The following ME2 variants were observed in gnomAD, a reference collection of about 807,000 sequenced individuals.
The protein encoded by ME2 is malic enzyme 2.
In ME2, 60 loss-of-function variants were observed where a neutral mutation model predicts 73.7. The ratio of observed to expected loss-of-function variants is 0.81; its 90% CI spans 0.66 to 1.01. ME2 has a LOEUF of 1.01. Ranked by LOEUF, ME2 falls within the 50% of genes least tolerant of loss-of-function variation. The pLI, the probability that ME2 is intolerant of heterozygous loss-of-function variation, is 0.00. For missense variants in ME2, 594 were observed against 705.5 expected (o/e 0.84, Z 1.79); for synonymous variants, 199 against 236.9 (o/e 0.84, Z 1.47).
At position 50,948,812 on chromosome 18, in the gene ME2, G is replaced by A. The variant is rs1024976433; in HGVS notation, c.*1628G>A. 2 of 150,586 alleles carry A rather than the reference G, an allele frequency of 1.3e-5. No homozygotes were observed. Among genetic ancestry groups the A allele is most frequent in the Admixed American group, 1.3e-4 (2 of 15,082 alleles). 9.3% of individuals were successfully genotyped at this position (150,586 alleles called of 1,614,324 possible). ...CCACCTCAGCCTTCCAAAGTGCTGG[G>A]ATTACAGGCGTGAGCCACCGCACCC... On this transcript the variant is annotated 3_prime_UTR_variant, in exon 16 of 16. Coordinates refer to ENST00000321341, the MANE Select transcript of ME2 (RefSeq NM_002396.5).
intron 2 of ME2, among the ~76,000 whole-genome samples, chr18:50,898,015 A>G (rs1045516910): frequency 6.6e-6 from 1 of 152,218 alleles, no homozygotes; most frequent in African/African-American, 2.4e-5. Context: ...TTGTTTAAAG[A>G]ACATAGACCA....
chr18:50,922,656 A>G (rs1322948299), intron 10 of ME2, among the ~76,000 whole-genome samples: 2 of 152,254 alleles, frequency 1.3e-5, no homozygotes, highest in Non-Finnish European at 2.9e-5. Flanking sequence ...TTTACTTAGC[A>G]CAAAGTGAGA....
chr18:50,888,808 T>G (rs1333446923), intron 1 of ME2, among the ~76,000 whole-genome samples: 2 of 152,160 alleles, frequency 1.3e-5, no homozygotes, highest in Non-Finnish European at 2.9e-5. Context: ...ATATTGATCT[T>G]CCTGATTCTG....
chr18:50,893,218 TA>T (rs898880374), intron 1 of ME2, among the ~76,000 whole-genome samples: 1 of 147,132 alleles, frequency 6.8e-6, no homozygotes, highest in Non-Finnish European at 1.5e-5. Context: ...ATAATAGTAA[TA>T]AAGAGTGTAT....
intron 3 of ME2, among the ~76,000 whole-genome samples, chr18:50,912,019 A>T (rs1241288654): frequency 2.0e-5 from 3 of 152,180 alleles, no homozygotes; most frequent in Non-Finnish European, 2.9e-5. Flanking sequence ...GCTACTTAGC[A>T]GGTAGACTCT....
At chr18:50,893,124 CAAAAAAAAAA>C (rs56104427) in intron 1 of ME2, among the ~76,000 whole-genome samples, 1,700 of 78,112 alleles carry the variant, frequency 0.022, 47 homozygotes, top group African/African-American at 0.09. Flanking sequence ...GACTCTATCT[CAAAAAAAAAA>C]AAAAAAAAAA....
intron 1 of ME2, among the ~76,000 whole-genome samples, chr18:50,890,397 C>T (rs962958689): frequency 3.9e-5 from 6 of 152,108 alleles, no homozygotes; most frequent in Non-Finnish European, 7.4e-5. Flanking sequence ...TCCAGGCATG[C>T]ACCACTGTGC....
chr18:50,913,157 ATCT>A (rs1917198528), intron 4 of ME2: 1 of 376,670 alleles, frequency 2.7e-6, no homozygotes, highest in Non-Finnish European at 4.7e-6. Context: ...TTCATTTCTA[ATCT>A]TCTTTAAATT....
At chr18:50,940,481 A>G in intron 15 of ME2, 95 bp downstream of exon 15, 1 of 863,296 alleles carries the variant, frequency 1.2e-6, no homozygotes, top group Non-Finnish European at 1.8e-6. Context: ...AACATTTAGA[A>G]GGCTGCAAAG....
chr18:50,915,546 G>GCTT (rs1188869475), intron 4 of ME2: 5 of 152,248 alleles, frequency 3.3e-5, no homozygotes, highest in African/African-American at 1.2e-4. Context: ...TACTGGTAAG[G>GCTT]CTTCTGGTCA....
chr18:50,900,934 G>A (rs539650091), intron 2 of ME2, among the ~76,000 whole-genome samples: 5 of 152,168 alleles, frequency 3.3e-5, no homozygotes, highest in Non-Finnish European at 7.3e-5. Flanking sequence ...AAATTACTCA[G>A]TCTTGGTATT....
chr18:50,934,325 C>T (rs1053584601), intron 13 of ME2: 7 of 152,098 alleles, frequency 4.6e-5, no homozygotes, highest in African/African-American at 1.7e-4. Flanking sequence ...ACTTAAATAA[C>T]AGCTATGGAT....
intron 13 of ME2, 170 bp downstream of exon 13, chr18:50,932,530 T>G (rs1917721478): frequency 4.5e-6 from 2 of 445,996 alleles, no homozygotes; most frequent in Admixed American, 8.2e-5. Context: ...CCACTTTCTC[T>G]GAAAATTTAT....
At chr18:50,893,679 C>T (rs1916664476) in intron 1 of ME2, among the ~76,000 whole-genome samples, 1 of 152,186 alleles carries the variant, frequency 6.6e-6, no homozygotes, top group Non-Finnish European at 1.5e-5. Flanking sequence ...TAGTTTTGTT[C>T]TACTGACAGA....
intron 12 of ME2, among the ~76,000 whole-genome samples, 183 bp downstream of exon 12, chr18:50,926,081 C>T (rs896749474): frequency 1.3e-5 from 2 of 152,072 alleles, no homozygotes; most frequent in Non-Finnish European, 2.9e-5. Flanking sequence ...TTTATAACTC[C>T]ACTGTAATGC....
At chr18:50,931,661 ATTTCTTTTTTT>A (rs1917692689) in intron 12 of ME2, among the ~76,000 whole-genome samples, 3 of 150,824 alleles carry the variant, frequency 2.0e-5, no homozygotes, top group Admixed American at 2.0e-4. Context: ...TACATTTTAA[ATTTCTTTTTTT>A]TTTCTTTTTC....
intron 15 of ME2, among the ~76,000 whole-genome samples, chr18:50,944,966 G>A (rs1488474688): frequency 6.6e-6 from 1 of 152,152 alleles, no homozygotes; most frequent in East Asian, 1.9e-4. Context: ...GAGGAAAAAT[G>A]TGTTTATTCC....
intron 1 of ME2, among the ~76,000 whole-genome samples, chr18:50,893,141 A>AAAAAAAC (rs1568159643): frequency 4.0e-5 from 6 of 151,134 alleles, no homozygotes; most frequent in African/African-American, 1.5e-4. Flanking sequence ...AAAAAAAAAA[A>AAAAAAAC]AAAAAAAAAA....
intron 2 of ME2, among the ~76,000 whole-genome samples, chr18:50,896,617 T>C (rs1381783413): frequency 1.3e-5 from 2 of 152,142 alleles, no homozygotes; most frequent in African/African-American, 2.4e-5. Context: ...ACAAGAAGAT[T>C]GCAAGAGGAT....
Sources: allele counts gnomAD v4.1 joint callset (sites outside exome capture counted in the v4.1 genomes callset), GRCh38; gene constraint gnomAD v4.1.1; transcripts MANE v1.5; gene names NCBI Gene and HGNC (gene_info 2026-07-23, HGNC 2026-07-21).